The following ZPR1 variants were observed in gnomAD, a reference collection of about 807,000 sequenced individuals.
ZPR1 encodes ZPR1 zinc finger.
Under a neutral mutation model 59.6 loss-of-function variants are expected in ZPR1, and 37 were observed. That is an observed-to-expected ratio of 0.62 (90% CI 0.48 to 0.82). The LOEUF (loss-of-function observed/expected upper bound fraction) is 0.82, where lower values mean the gene tolerates loss of function less well. ZPR1 is among the 40% of genes least tolerant of loss of function. The pLI is 0.00. For missense variants in ZPR1, 527 were observed against 579.9 expected, an observed-to-expected ratio of 0.91 and a Z score of 0.94; for synonymous variants, 191 against 215.2, an observed-to-expected ratio of 0.89 and a Z score of 0.99.
rs746586209 is a variant in ZPR1, at chr11:116,784,897, G to A, written c.778C>T (p.Pro260Ser). The A allele has an allele frequency of 6.2e-7, 1 of 1,614,170 alleles. No homozygotes were observed. Among genetic ancestry groups the A allele is most frequent in the Non-Finnish European group, 8.5e-7 (1 of 1,180,028 alleles). ...NEVLQFSTNC[P>S]ECNAPAQTNM... is the part of the protein sequence containing the mutation. ...GTCTGAGCGGGGGCATTGCATTCTG[G>A]GCAGTTTGTGCTGAACTGGAGCACC... Residue 260 changes from proline (P) to serine (S), a missense_variant, in exon 8 of 14, where the codon CCA becomes TCA. Pro to Ser is a moderately conservative substitution (Grantham distance 74). Transcript: ENST00000227322.
intron 3 of ZPR1, 53 bp downstream of exon 3, chr11:116,786,916 G>T (rs369502545): frequency 2.1e-5 from 30 of 1,450,502 alleles, no homozygotes; most frequent in African/African-American, 7.0e-5. Flanking sequence ...CAAGAAAGAG[G>T]GTAAGATTCT....
rs1940728130 is a variant in ZPR1 at position 116,776,612 on chromosome 11, T to C, written c.*2313A>G. On this transcript the variant is annotated 3_prime_UTR_variant, in exon 14 of 14. Transcript: ENST00000227322. ...GTACCTTAGCTGGGTTATCCCAGTC[T>C]GGCACCTGGTCCTCAGTCTTCAAGT... 1 of 152,266 alleles carries C rather than the reference T, an allele frequency of 6.6e-6. No homozygotes were observed. The highest frequency in any genetic ancestry group is 2.4e-5 in the African/African-American group (1 of 41,472). The allele number at this position is 152,266 out of a possible 1,614,324, so 9.4% of individuals were successfully genotyped here. A position where few individuals can be genotyped will look rare whatever the true frequency, so the allele number is the denominator to read the frequency against.
chr11:116,779,171 T>C (rs1162634814), intron 13 of ZPR1, 112 bp from the exon 14 acceptor site: 1 of 1,451,236 alleles, frequency 6.9e-7, no homozygotes, highest in Admixed American at 2.0e-5. Flanking sequence ...TTTTTTCTTT[T>C]TATTGGCCTC....
intron 13 of ZPR1, among the ~76,000 whole-genome samples, chr11:116,779,481 A>G (rs1459640453): frequency 6.6e-6 from 1 of 151,968 alleles, no homozygotes; most frequent in Non-Finnish European, 1.5e-5. Flanking sequence ...TTTCTCCTCA[A>G]TCCATAATCA....
rs777345318 is a variant in ZPR1 at position 116,782,182 on chromosome 11, C to T, written c.1155G>A (p.Gln385=). ...SSNPGQTERL[Q]EFSQKMDQII... is the part of the protein sequence containing the mutation. ...CCTGGTCCATCTTCTGGCTAAACTC[C>T]TGTAGTCTCTCCGTCTGTCCAGGAT... Residue 385 remains glutamine (Q), a synonymous_variant, in exon 12 of 14, where the codon CAG becomes CAA. Coordinates refer to ENST00000227322, the MANE Select transcript of ZPR1 (RefSeq NM_003904.5). 1.2e-6 allele frequency: 2 copies of T among 1,614,038 alleles called. No homozygotes were observed. The highest frequency in any genetic ancestry group is 2.7e-5 in the African/African-American group (2 of 74,906).
At chr11:116,783,078 C>G (rs370918953) in intron 10 of ZPR1, 49 bp from the exon 11 acceptor site, 3 of 1,452,882 alleles carry the variant, frequency 2.1e-6, no homozygotes, top group Admixed American at 1.7e-5. Flanking sequence ...GCAAAGAAAG[C>G]CAACCAGAGG....
At chr11:116,785,046 C>G in intron 7 of ZPR1, 53 bp downstream of exon 7, 1 of 1,608,986 alleles carries the variant, frequency 6.2e-7, no homozygotes, top group Non-Finnish European at 8.5e-7. Context: ...TGAACAGCAT[C>G]AGTCTCAGCC....
At chr11:116,787,185 G>A in intron 2 of ZPR1, 126 bp from the exon 3 acceptor site, 1 of 861,920 alleles carries the variant, frequency 1.2e-6, no homozygotes, top group Non-Finnish European at 1.9e-6. Flanking sequence ...ACTCCACAGG[G>A]TCCAGACTGC....
In ZPR1 at chr11:116,784,852, T is replaced by C. The variant is rs1940859849; in HGVS notation, c.820+3A>G. On this transcript the variant is annotated splice_donor_region_variant and intron_variant, in intron 8 of 13. Coordinates refer to ENST00000227322, the MANE Select transcript of ZPR1 (RefSeq NM_003904.5). ...AGCAACCCAACTGCTTGGCAAAAGA[T>C]ACGTACTAGCTTCATGTTGGTCTGA... is the stretch of plus-strand genomic sequence containing the variant. The C allele has an allele frequency of 6.2e-7, 1 of 1,614,114 alleles. No individual in the cohort carries two copies. The highest frequency in any genetic ancestry group is 8.5e-7 in the Non-Finnish European group (1 of 1,180,044).
At position 116,779,829 on chromosome 11, in the gene ZPR1, T is replaced by G; in HGVS notation, c.1188A>C (p.Glu396Asp). 1 of 1,594,684 alleles carries G rather than the reference T, an allele frequency of 6.3e-7. No homozygotes were observed. The highest frequency in any genetic ancestry group is 8.5e-7 in the Non-Finnish European group (1 of 1,170,752). Residue 396 changes from glutamate (E) to aspartate (D), a missense_variant, in exon 13 of 14, where the codon GAA becomes GAC. Physicochemically the swap from Glu to Asp is conservative, Grantham distance 45. Transcript: ENST00000227322. ...EFSQKMDQIIEGNMKAHFIMD... is the reference protein window; with the variant it reads ...EFSQKMDQIIDGNMKAHFIMD... ...TAATAAAGTGGGCCTTCATGTTACC[T>G]TCGATGATCTAAAGGAGAGAGAGAA...
At chr11:116,785,208 G>A in intron 6 of ZPR1, 62 bp from the exon 7 acceptor site, 1 of 1,580,856 alleles carries the variant, frequency 6.3e-7, no homozygotes, top group Non-Finnish European at 8.7e-7. Flanking sequence ...CCAACACCCT[G>A]CCCTGGAGTG....
intron 11 of ZPR1, 113 bp from the exon 12 acceptor site, chr11:116,782,357 C>T (rs554254633): frequency 1.2e-6 from 1 of 838,714 alleles, no homozygotes; most frequent in Non-Finnish European, 1.9e-6. Flanking sequence ...ACTTGGTTTC[C>T]ATTTAGCCCA....
At chr11:116,781,702 A>G (rs1355500876) in intron 12 of ZPR1, among the ~76,000 whole-genome samples, 1 of 152,170 alleles carries the variant, frequency 6.6e-6, no homozygotes, top group African/African-American at 2.4e-5. Flanking sequence ...AACAAGAAAG[A>G]AGACGTGGAA....
Position 116,783,585 on chromosome 11 carries a change from G to A in ZPR1, c.926C>T (p.Thr309Ile). 2 of 1,614,120 alleles carry A rather than the reference G, an allele frequency of 1.2e-6. No individual in the cohort carries two copies. Among genetic ancestry groups the A allele is most frequent in the East Asian group, 4.5e-5 (2 of 44,874 alleles). ...KSGGAVEPLGTRITLHITDAS... is the reference protein window; with the variant it reads ...KSGGAVEPLGIRITLHITDAS... ...ATCTGTGATGTGGAGGGTGATCCTGGTGCCCAAGGGTTCTACTGCTCCTCC... is the reference window on the plus strand; with the variant it reads ...ATCTGTGATGTGGAGGGTGATCCTGATGCCCAAGGGTTCTACTGCTCCTCC... Residue 309 changes from threonine to isoleucine, a missense_variant, in exon 10 of 14, where the codon ACC (threonine) becomes ATC (isoleucine). Thr to Ile is a moderately conservative substitution (Grantham distance 89). Coordinates refer to ENST00000227322, the MANE Select transcript of ZPR1 (RefSeq NM_003904.5).
Position 116,782,239 on chromosome 11 carries a change from G to C in ZPR1, c.1098C>G (p.Thr366=). 6.2e-7 allele frequency: 1 copy of C among 1,613,720 alleles called. No individual in the cohort carries two copies. The change falls in exon 12 of 14, where the codon ACC becomes ACG. Residue 366 remains threonine (T), a synonymous_variant. Coordinates refer to ENST00000227322, the MANE Select transcript of ZPR1 (RefSeq NM_003904.5). The part of the protein sequence containing the change: ...GLLKDIRELV[T]KNPFTLGDSS... ...TGTCGCCCAGTGTGAAAGGATTTTT[G>C]GTCACCTGCAATAAATGATAATCCA...
chr11:116,784,616 G>A (rs1940857403), intron 8 of ZPR1, 168 bp from the exon 9 acceptor site: 2 of 817,802 alleles, frequency 2.4e-6, no homozygotes, highest in African/African-American at 3.4e-5. Context: ...CCAACCCATG[G>A]CAATCCCTGT....
Position 116,782,217 on chromosome 11 carries a change from C to T in ZPR1, c.1120G>A (p.Asp374Asn), listed in dbSNP as rs1237258872. 6.2e-7 allele frequency: 1 copy of T among 1,613,934 alleles called. No homozygotes were observed. Among genetic ancestry groups the T allele is most frequent in the African/African-American group, 1.3e-5 (1 of 74,902 alleles). Residue 374 changes from aspartate (D) to asparagine (N), a missense_variant, in exon 12 of 14, where the codon GAC becomes AAC. Asp to Asn is a conservative substitution (Grantham distance 23). Coordinates refer to ENST00000227322, the MANE Select transcript of ZPR1 (RefSeq NM_003904.5). Reference protein sequence around the residue: ...LVTKNPFTLGDSSNPGQTERL... With the variant: ...LVTKNPFTLGNSSNPGQTERL... ...TCCGTCTGTCCAGGATTGGAACTGT[C>T]GCCCAGTGTGAAAGGATTTTTGGTC...
intron 5 of ZPR1, 26 bp downstream of exon 5, chr11:116,785,770 G>A (rs756943384): frequency 1.9e-6 from 3 of 1,613,186 alleles, no homozygotes; most frequent in Non-Finnish European, 2.5e-6. Flanking sequence ...CCTAATCAAG[G>A]GCAACTCCAG....
intron 5 of ZPR1, 72 bp from the exon 6 acceptor site, chr11:116,785,708 C>T: frequency 6.2e-7 from 1 of 1,613,118 alleles, no homozygotes; most frequent in African/African-American, 1.3e-5. Context: ...TACTATCAGA[C>T]CACGCAGGCA....
Sources: allele counts gnomAD v4.1 joint callset (sites outside exome capture counted in the v4.1 genomes callset), GRCh38; gene constraint gnomAD v4.1.1; transcripts MANE v1.5; gene names NCBI Gene and HGNC (gene_info 2026-07-23, HGNC 2026-07-21).